Variants in ERLEC1 observed in about 807,000 individuals in gnomAD.
ERLEC1 encodes the protein endoplasmic reticulum lectin 1.
ERLEC1 carries 47 observed loss-of-function variants against 68.0 expected under a neutral mutation model. The ratio of observed to expected loss-of-function variants is 0.69; its 90% CI spans 0.55 to 0.88. ERLEC1 has a LOEUF of 0.88. Among genes scored for constraint, ERLEC1 ranks in the 40% least tolerant of loss-of-function variants. The pLI, the probability that ERLEC1 is intolerant of heterozygous loss-of-function variation, is 0.00. For synonymous variants in ERLEC1, 225 were observed against 203.2 expected, an observed-to-expected ratio of 1.11 and a Z score of -0.91; for missense variants, 567 against 583.8, an observed-to-expected ratio of 0.97 and a Z score of 0.30.
At chr2:53,805,223 A>G (rs1386503533) in intron 8 of ERLEC1, among the ~76,000 whole-genome samples, 1 of 145,910 alleles carries the variant, frequency 6.9e-6, no homozygotes, top group Admixed American at 7.0e-5. Context: ...GGGTTTCACC[A>G]TCTTGGGCAA....
intron 11 of ERLEC1, among the ~76,000 whole-genome samples, chr2:53,814,030 G>A (rs1326329266): frequency 2.0e-5 from 3 of 152,170 alleles, no homozygotes; most frequent in Non-Finnish European, 2.9e-5. Flanking sequence ...GTGGTATCAT[G>A]TACAATATAT....
intron 1 of ERLEC1, among the ~76,000 whole-genome samples, chr2:53,793,960 T>C (rs1451102058): frequency 1.3e-5 from 2 of 152,198 alleles, no homozygotes; most frequent in Non-Finnish European, 2.9e-5. Flanking sequence ...CCGTATGTTT[T>C]CATTTATAAG....
At chr2:53,807,421 T>C (rs1676352502) in intron 8 of ERLEC1, among the ~76,000 whole-genome samples, 1 of 143,168 alleles carries the variant, frequency 7.0e-6, no homozygotes, top group African/African-American at 2.8e-5. Flanking sequence ...CTTTTTTTTC[T>C]TTGAGACAGA....
intron 8 of ERLEC1, 109 bp downstream of exon 8, chr2:53,801,951 C>A: frequency 1.2e-6 from 1 of 838,148 alleles, no homozygotes; most frequent in Non-Finnish European, 1.9e-6. Context: ...ATTTATTTTA[C>A]TGGCCCAACC....
rs1043662 is a variant in ERLEC1 at position 53,818,098 on chromosome 2, A to G, written c.*129A>G. ...GGATGGTATAAAATGACTCTCAACC[A>G]CTTTGTGAATACATATGTGTATATA... On this transcript the variant is annotated 3_prime_UTR_variant, in exon 14 of 14. Transcript: ENST00000185150. 9.6e-6 allele frequency: 6 copies of G among 628,266 alleles called. No homozygotes were observed. The highest frequency in any genetic ancestry group is 2.7e-5 in the Admixed American group (1 of 37,688). 38.9% of individuals were successfully genotyped at this position (628,266 alleles called of 1,614,324 possible). A position where few individuals can be genotyped will look rare whatever the true frequency, so the allele number is the denominator to read the frequency against.
intron 1 of ERLEC1, chr2:53,788,805 T>C (rs1414327370): frequency 2.0e-5 from 3 of 152,206 alleles, no homozygotes; most frequent in Non-Finnish European, 4.4e-5. Flanking sequence ...GAATCAGATA[T>C]AACTTTAGCA....
At chr2:53,792,755 G>T (rs2104280023) in intron 1 of ERLEC1, among the ~76,000 whole-genome samples, 1 of 152,244 alleles carries the variant, frequency 6.6e-6, no homozygotes, top group Admixed American at 6.5e-5. Context: ...AGTGGCTCAC[G>T]CCTGTAATCC....
chr2:53,814,995 C>CTTTTTTTTTTTTTT (rs777632156), intron 13 of ERLEC1, 60 bp downstream of exon 13: 381 of 470,024 alleles, frequency 8.1e-4, no homozygotes, highest in African/African-American at 1.5e-3. Context: ...ATTTTTTTTT[C>CTTTTTTTTTTTTTT]TTTTTTTTTT....
At chr2:53,800,575 A>G (rs1675951482) in intron 6 of ERLEC1, among the ~76,000 whole-genome samples, 1 of 152,142 alleles carries the variant, frequency 6.6e-6, no homozygotes, top group Non-Finnish European at 1.5e-5. Flanking sequence ...GGTTTCGGAC[A>G]TAGTGCTGAT....
intron 11 of ERLEC1, 43 bp from the exon 12 acceptor site, chr2:53,814,500 T>G: frequency 3.0e-4 from 416 of 1,399,822 alleles, no homozygotes; most frequent in Non-Finnish European, 3.8e-4. Flanking sequence ...ATTCTATTAG[T>G]GAGATTTTAG....
rs1675068177 is a variant in ERLEC1, at chr2:53,787,047, G to A, written c.-164G>A. The A allele has an allele frequency of 2.1e-6, 2 of 946,428 alleles. No individual in the cohort carries two copies. The highest frequency in any genetic ancestry group is 3.1e-5 in the Admixed American group (1 of 32,344). The allele number at this position is 946,428 out of a possible 1,614,324, so 58.6% of individuals were successfully genotyped here. A position where few individuals can be genotyped will look rare whatever the true frequency, so the allele number is the denominator to read the frequency against. The stretch of plus-strand genomic sequence containing the variant: ...GTGACAGGAGGCTCAAGGGGGCGGA[G>A]GCGGCGTTGCCGGGCTCTCCGGAAG... On this transcript the variant is annotated 5_prime_UTR_variant, in exon 1 of 14. Coordinates refer to ENST00000185150, the MANE Select transcript of ERLEC1 (RefSeq NM_015701.5).
intron 11 of ERLEC1, 106 bp downstream of exon 11, chr2:53,813,179 GT>G: frequency 2.2e-6 from 3 of 1,364,794 alleles, no homozygotes; most frequent in Non-Finnish European, 3.0e-6. Context: ...TCCCTGTTTA[GT>G]TTTTTTCAAG....
intron 8 of ERLEC1, 43 bp downstream of exon 8, chr2:53,801,885 T>G (rs1676026034): frequency 6.5e-7 from 1 of 1,549,938 alleles, no homozygotes. Context: ...GCTTCATTTT[T>G]AAAATTTCAG....
In ERLEC1 at chr2:53,801,792, C is replaced by G; in HGVS notation, c.829C>G (p.Leu277Val). The G allele has an allele frequency of 6.2e-7, 1 of 1,613,698 alleles. No homozygotes were observed. ...SPFKPLTLRQ[L>V]EQQEEILRVP... ...ATTTAAGCCCCTCACCCTGAGGCAG[C>G]TGGAGCAGCAGGAAGAAATACTAAG... The change falls in exon 8 of 14, where the codon CTG (leucine) becomes GTG (valine). Residue 277 changes from leucine (L) to valine (V), a missense_variant. By Grantham distance (32) the Leu-to-Val change is conservative. Coordinates refer to ENST00000185150, the MANE Select transcript of ERLEC1 (RefSeq NM_015701.5).
At chr2:53,807,452 C>G (rs1377581076) in intron 8 of ERLEC1, among the ~76,000 whole-genome samples, 12 of 151,956 alleles carry the variant, frequency 7.9e-5, no homozygotes, top group African/African-American at 2.9e-4. Flanking sequence ...GTCACCCAAG[C>G]TGGAGTGTAG....
chr2:53,797,758 T>A lies in ERLEC1; in HGVS notation c.453T>A (p.Leu151=). The A allele has an allele frequency of 6.2e-7, 1 of 1,612,832 alleles. No individual in the cohort carries two copies. The highest frequency in any genetic ancestry group is 8.5e-7 in the Non-Finnish European group (1 of 1,179,270). The change falls in exon 5 of 14, where the codon CTT becomes CTA. Residue 151 remains leucine, a synonymous_variant. Transcript: ENST00000185150. ...AAATAAATATTCACGAGTACTACCTTGGGAATATGTTGGCCAAGAACCTTC... is the reference window on the plus strand; with the variant it reads ...AAATAAATATTCACGAGTACTACCTAGGGAATATGTTGGCCAAGAACCTTC... ...GQKINIHEYY[L]GNMLAKNLLF...
At chr2:53,805,560 T>G (rs899928007) in intron 8 of ERLEC1, among the ~76,000 whole-genome samples, 1 of 152,104 alleles carries the variant, frequency 6.6e-6, no homozygotes, top group Non-Finnish European at 1.5e-5. Context: ...GATGGACACT[T>G]AGGTTGTTTC....
chr2:53,813,108 T>C, intron 11 of ERLEC1, 35 bp downstream of exon 11: 1 of 1,584,446 alleles, frequency 6.3e-7, no homozygotes, highest in Non-Finnish European at 8.5e-7. Context: ...TGGAGCTAAT[T>C]ACTACAATTT....
At chr2:53,815,089 T>A (rs1189071255) in intron 13 of ERLEC1, among the ~76,000 whole-genome samples, 154 bp downstream of exon 13, 2 of 142,192 alleles carry the variant, frequency 1.4e-5, no homozygotes, top group Non-Finnish European at 3.0e-5. Context: ...CACTGCAACC[T>A]CTGCCTCCCA....
Sources: allele counts gnomAD v4.1 joint callset (sites outside exome capture counted in the v4.1 genomes callset), GRCh38; gene constraint gnomAD v4.1.1; transcripts MANE v1.5; gene names NCBI Gene and HGNC (gene_info 2026-07-23, HGNC 2026-07-21).